The following CRIM1 variants were observed in gnomAD, a reference collection of about 807,000 sequenced individuals.
The protein encoded by CRIM1 is cysteine rich transmembrane BMP regulator 1.
A neutral mutation model predicts 116.4 loss-of-function variants in CRIM1; 32 were observed. The observed-to-expected ratio is 0.27, with a 90% CI of 0.21 to 0.37. The LOEUF is 0.37. Among genes scored for constraint, CRIM1 ranks in the 10% least tolerant of loss-of-function variants. The pLI, the probability that CRIM1 is intolerant of heterozygous loss-of-function variation, is 1.00. For missense variants in CRIM1, 1,331 were observed against 1,354.8 expected (o/e 0.98, Z 0.28); for synonymous variants, 590 against 509.2 (o/e 1.16, Z -2.13).
chr2:36,378,580 G>A, intron 1 of CRIM1: 2 of 344,726 alleles, frequency 5.8e-6, no homozygotes, highest in Non-Finnish European at 5.7e-6. Flanking sequence ...TTATGCTGAT[G>A]CCATTTCATA....
At chr2:36,459,257 C>CA (rs1185943829) in intron 4 of CRIM1, among the ~76,000 whole-genome samples, 2 of 152,110 alleles carry the variant, frequency 1.3e-5, no homozygotes, top group Non-Finnish European at 2.9e-5. Context: ...TGCAGAAAAA[C>CA]AATGTTTGAG....
chr2:36,547,974 G>A (rs554872329), intron 16 of CRIM1, among the ~76,000 whole-genome samples: 1 of 152,184 alleles, frequency 6.6e-6, no homozygotes, highest in African/African-American at 2.4e-5. Flanking sequence ...TAAAAATTCT[G>A]TCCTGCGGTT....
intron 1 of CRIM1, among the ~76,000 whole-genome samples, chr2:36,375,389 G>T (rs1033719520): frequency 6.6e-6 from 1 of 152,180 alleles, no homozygotes; most frequent in Non-Finnish European, 1.5e-5. Context: ...TATAGCACCT[G>T]TTGTAATATT....
At chr2:36,522,455 C>T in intron 13 of CRIM1, 142 bp downstream of exon 13, 2 of 659,644 alleles carry the variant, frequency 3.0e-6, no homozygotes, top group Non-Finnish European at 5.4e-6. Flanking sequence ...TGTAGCAACA[C>T]TGAGCAGAAG....
At chr2:36,399,392 A>G (rs1047917420) in intron 2 of CRIM1, among the ~76,000 whole-genome samples, 6 of 152,224 alleles carry the variant, frequency 3.9e-5, no homozygotes, top group African/African-American at 1.4e-4. Context: ...ACCACAAGAA[A>G]CTGGACTAGA....
chr2:36,434,132 T>A (rs1675108532), intron 2 of CRIM1, among the ~76,000 whole-genome samples: 1 of 152,204 alleles, frequency 6.6e-6, no homozygotes, highest in Non-Finnish European at 1.5e-5. Context: ...AAGGAGTCAG[T>A]CTCTAAATTT....
At chr2:36,524,357 GA>G (rs1200040454) in intron 13 of CRIM1, among the ~76,000 whole-genome samples, 1 of 152,134 alleles carries the variant, frequency 6.6e-6, no homozygotes, top group Non-Finnish European at 1.5e-5. Context: ...AGATCTAAAT[GA>G]AAGCTATAAC....
In CRIM1 at chr2:36,511,956, T is replaced by C. The variant is rs143688232; in HGVS notation, c.1659-317T>C. On this transcript the variant is annotated intron_variant, in intron 9 of 16. Coordinates refer to ENST00000280527, the MANE Select transcript of CRIM1 (RefSeq NM_016441.3). ...CAACAAAATCTCCTTCACTTTCCTA[T>C]TCATGGAGTTGCACATTCATCTTTT... is the stretch of plus-strand genomic sequence containing the variant. Among the ~76,000 whole-genome samples, 1,050 of 152,360 alleles carry C rather than the reference T, an allele frequency of 6.9e-3. 20 individuals carry two copies. The highest frequency in any genetic ancestry group is 0.024 in the African/African-American group (1,007 of 41,584).
intron 13 of CRIM1, among the ~76,000 whole-genome samples, chr2:36,535,538 T>C (rs896015484): frequency 2.0e-5 from 3 of 152,196 alleles, no homozygotes; most frequent in African/African-American, 7.2e-5. Flanking sequence ...GAACTTTCCA[T>C]GATTACTTAA....
chr2:36,447,276 G>A (rs1676318740), intron 4 of CRIM1, among the ~76,000 whole-genome samples: 1 of 152,070 alleles, frequency 6.6e-6, no homozygotes, highest in African/African-American at 2.4e-5. Context: ...TCTTTCCACT[G>A]GAGCTTTTTT....
chr2:36,360,824 G>T (rs1669177759), intron 1 of CRIM1, among the ~76,000 whole-genome samples: 1 of 152,100 alleles, frequency 6.6e-6, no homozygotes, highest in Non-Finnish European at 1.5e-5. Flanking sequence ...AGTAACGGGA[G>T]GGGGGCAAAA....
Position 36,499,250 on chromosome 2 carries a change from A to T in CRIM1, c.1404A>T (p.Ala468=), listed in dbSNP as rs749247802. 1 of 1,612,552 alleles carries T rather than the reference A, an allele frequency of 6.2e-7. No individual in the cohort carries two copies. The change falls in exon 8 of 17, where the codon GCA becomes GCT. Residue 468 remains alanine, a synonymous_variant. Transcript: ENST00000280527. ...CCATCATCACAGTTGATCCACCTGC[A>T]TGTGGGGAGTTATCAAACTGCACTC... ...EPTIITVDPP[A]CGELSNCTLT...
At chr2:36,363,531 C>A (rs994251715) in intron 1 of CRIM1, among the ~76,000 whole-genome samples, 1 of 101,354 alleles carries the variant, frequency 9.9e-6, no homozygotes, top group Non-Finnish European at 2.0e-5. Flanking sequence ...TCGTCGCCGC[C>A]CCCCCCCCCC....
intron 7 of CRIM1, among the ~76,000 whole-genome samples, chr2:36,488,376 G>A (rs1403875815): frequency 6.6e-6 from 1 of 152,164 alleles, no homozygotes; most frequent in Non-Finnish European, 1.5e-5. Context: ...CCACCTATCA[G>A]CCTCTTAATT....
chr2:36,506,967 C>G (rs1188886723), intron 8 of CRIM1, among the ~76,000 whole-genome samples: 1 of 152,064 alleles, frequency 6.6e-6, no homozygotes, highest in Non-Finnish European at 1.5e-5. Context: ...TCAAGTAATC[C>G]TCTTGCCTCA....
intron 2 of CRIM1, among the ~76,000 whole-genome samples, chr2:36,412,555 A>G (rs1011149763): frequency 2.0e-5 from 3 of 152,158 alleles, no homozygotes; most frequent in South Asian, 2.1e-4. Flanking sequence ...TTGATGCTTC[A>G]TGGATTTGTA....
intron 4 of CRIM1, among the ~76,000 whole-genome samples, chr2:36,444,598 C>A (rs1676101976): frequency 6.6e-6 from 1 of 152,182 alleles, no homozygotes; most frequent in East Asian, 1.9e-4. Context: ...AAATTTGCCT[C>A]TAATGAAGAC....
chr2:36,513,326 C>T (rs1255916873), intron 10 of CRIM1: 5 of 519,748 alleles, frequency 9.6e-6, no homozygotes, highest in Non-Finnish European at 1.7e-5. Flanking sequence ...AATCAGCGAT[C>T]ATCCCACGAA....
chr2:36,472,190 A>G (rs956483487), intron 5 of CRIM1, among the ~76,000 whole-genome samples: 5 of 152,232 alleles, frequency 3.3e-5, no homozygotes, highest in East Asian at 1.9e-4. Flanking sequence ...TTATTTCTTC[A>G]TAACACTTTT....
Sources: allele counts gnomAD v4.1 joint callset (sites outside exome capture counted in the v4.1 genomes callset), GRCh38; gene constraint gnomAD v4.1.1; transcripts MANE v1.5; gene names NCBI Gene and HGNC (gene_info 2026-07-23, HGNC 2026-07-21).